Variants in AGBL1 observed in about 807,000 individuals in gnomAD.
AGBL1 encodes cytosolic carboxypeptidase 4.
In AGBL1, 130 loss-of-function variants were observed where a neutral mutation model predicts 118.9. That is an observed-to-expected ratio of 1.09 (90% confidence interval 0.95 to 1.26). The LOEUF is 1.26. AGBL1 is among the 50% of genes most tolerant of loss of function. AGBL1 has a pLI of 0.00. For synonymous variants in AGBL1, 555 were observed against 478.9 expected (o/e 1.16, Z -2.08); for missense variants, 1,584 against 1,298.1 (o/e 1.22, Z -3.38).
At chr15:86,152,391 C>T (rs995082655) in intron 3 of AGBL1, among the ~76,000 whole-genome samples, 2 of 152,106 alleles carry the variant, frequency 1.3e-5, no homozygotes, top group African/African-American at 2.4e-5. Context: ...CTGTGACAAA[C>T]CTGACAAAAA....
chr15:86,265,784 C>T (rs1480937366), intron 11 of AGBL1, among the ~76,000 whole-genome samples: 1 of 152,196 alleles, frequency 6.6e-6, no homozygotes, highest in Admixed American at 6.5e-5. Flanking sequence ...ACCCTTCTCT[C>T]ACACCTCCCT....
chr15:86,237,330 T>C (rs1489802741), intron 6 of AGBL1, among the ~76,000 whole-genome samples: 3 of 152,160 alleles, frequency 2.0e-5, no homozygotes, highest in African/African-American at 4.8e-5. Context: ...TGTGAACCGA[T>C]TCATGAGCGA....
At chr15:86,750,937 A>G (rs1306319707) in intron 22 of AGBL1, among the ~76,000 whole-genome samples, 3 of 152,026 alleles carry the variant, frequency 2.0e-5, no homozygotes, top group East Asian at 1.9e-4. Context: ...AATGGCTTCC[A>G]GTTCCATCCA....
chr15:86,954,715 G>A (rs986991012), intron 23 of AGBL1, among the ~76,000 whole-genome samples: 3 of 152,038 alleles, frequency 2.0e-5, no homozygotes, highest in African/African-American at 4.8e-5. Flanking sequence ...TCACTCCCTG[G>A]GTGACAAGAT....
At chr15:86,541,612 A>G (rs2083496577) in intron 19 of AGBL1, among the ~76,000 whole-genome samples, 1 of 146,428 alleles carries the variant, frequency 6.8e-6, no homozygotes, top group South Asian at 2.2e-4. Flanking sequence ...AAAAAAAAAA[A>G]AAAAAGAGAG....
chr15:86,953,720 C>T (rs1596670487), intron 23 of AGBL1, among the ~76,000 whole-genome samples: 1 of 152,142 alleles, frequency 6.6e-6, no homozygotes, highest in Admixed American at 6.6e-5. Context: ...TGACTTTCAG[C>T]CTAGACATTA....
chr15:86,196,885 A>ACACACG (rs2077820431), intron 5 of AGBL1, among the ~76,000 whole-genome samples: 1 of 86,538 alleles, frequency 1.2e-5, no homozygotes, highest in Non-Finnish European at 2.3e-5. Flanking sequence ...GCGCGCACAC[A>ACACACG]CACACACACA....
chr15:86,549,246 G>C (rs538148098), intron 20 of AGBL1, among the ~76,000 whole-genome samples: 1 of 151,642 alleles, frequency 6.6e-6, no homozygotes, highest in Non-Finnish European at 1.5e-5. Flanking sequence ...GAGAAAGAAA[G>C]TCCAAAGAGA....
At chr15:86,143,949 G>T (rs147369695) in intron 3 of AGBL1, 104 bp downstream of exon 3, 3 of 1,381,538 alleles carry the variant, frequency 2.2e-6, no homozygotes, top group African/African-American at 2.9e-5. Context: ...GGGAGAAAGC[G>T]TCAGGGAGGT....
chr15:87,028,939 CAT>C, exon 25 of AGBL1: 1 of 1,355,264 alleles, frequency 7.4e-7, no homozygotes, highest in Non-Finnish European at 1.0e-6. Context: ...AGATGTTGTA[CAT>C]GTCTTATGGA....
intron 24 of AGBL1, among the ~76,000 whole-genome samples, chr15:87,015,448 C>T (rs532069018): frequency 5.3e-5 from 8 of 152,114 alleles, no homozygotes; most frequent in Admixed American, 3.9e-4. Flanking sequence ...AAACCCTGAC[C>T]GAATATACTA....
At chr15:86,552,085 C>T (rs1461735563) in intron 20 of AGBL1, among the ~76,000 whole-genome samples, 1 of 151,950 alleles carries the variant, frequency 6.6e-6, no homozygotes, top group South Asian at 2.1e-4. Context: ...TTTTTCAAAC[C>T]CATAAGATGT....
At chr15:86,374,527 T>C (rs1291383748) in intron 17 of AGBL1, among the ~76,000 whole-genome samples, 1 of 152,170 alleles carries the variant, frequency 6.6e-6, no homozygotes, top group Non-Finnish European at 1.5e-5. Flanking sequence ...CCCATCCCAG[T>C]CCCTCTGGCC....
At chr15:86,176,633 G>A (rs1597496866) in intron 5 of AGBL1, among the ~76,000 whole-genome samples, 1 of 152,216 alleles carries the variant, frequency 6.6e-6, no homozygotes, top group African/African-American at 2.4e-5. Flanking sequence ...GGGGCTCCAT[G>A]GATGTGGAAA....
intron 22 of AGBL1, among the ~76,000 whole-genome samples, chr15:86,831,732 C>T (rs1039329311): frequency 6.6e-6 from 1 of 152,198 alleles, no homozygotes; most frequent in African/African-American, 2.4e-5. Context: ...GCACATGGTA[C>T]AAGCTGTCAA....
chr15:86,870,810 C>G (rs2079717042), intron 22 of AGBL1, among the ~76,000 whole-genome samples: 1 of 152,182 alleles, frequency 6.6e-6, no homozygotes, highest in South Asian at 2.1e-4. Flanking sequence ...ATCATATGTA[C>G]TGAGATTACT....
At chr15:86,747,195 G>A (rs2077770272) in intron 22 of AGBL1, among the ~76,000 whole-genome samples, 1 of 151,948 alleles carries the variant, frequency 6.6e-6, no homozygotes, top group Admixed American at 6.6e-5. Context: ...GAAATCCATG[G>A]CCATGAGAGG....
intron 5 of AGBL1, among the ~76,000 whole-genome samples, chr15:86,189,214 T>C (rs540160164): frequency 6.6e-6 from 1 of 152,332 alleles, no homozygotes; most frequent in Admixed American, 6.5e-5. Context: ...ACTTCGTGTT[T>C]TAAAACCATG....
intron 23 of AGBL1, among the ~76,000 whole-genome samples, chr15:86,970,071 A>G (rs1596688717): frequency 6.6e-6 from 1 of 151,912 alleles, no homozygotes; most frequent in South Asian, 2.1e-4. Flanking sequence ...AGGTAAAGGC[A>G]TGGGGAGCCC....
Sources: gnomAD v4.1 joint callset for allele counts (sites outside exome capture counted in the v4.1 genomes callset) on GRCh38, gnomAD v4.1.1 for gene constraint, MANE v1.5 for transcripts, NCBI Gene and HGNC (gene_info 2026-07-23, HGNC 2026-07-21) for gene names.